UNC5C: variants seen among roughly 807,000 people sequenced by gnomAD.
UNC5C encodes netrin receptor UNC5C.
UNC5C carries 47 observed loss-of-function variants against 99.8 expected under a neutral mutation model. The ratio of observed to expected loss-of-function variants is 0.47; its 90% confidence interval spans 0.37 to 0.60. UNC5C has a LOEUF of 0.60. UNC5C is among the 20% of genes least tolerant of loss of function. The pLI, the probability that UNC5C is intolerant of heterozygous loss-of-function variation, is 0.00. For missense variants in UNC5C, 1,062 were observed against 1,165.9 expected (o/e 0.91, Z 1.30); for synonymous variants, 487 against 452.2 (o/e 1.08, Z -0.98).
intron 1 of UNC5C, among the ~76,000 whole-genome samples, chr4:95,363,972 T>C (rs748931571): frequency 3.9e-5 from 6 of 152,170 alleles, no homozygotes. Context: ...TTGGATAAAG[T>C]GTGGGGGTGA....
intron 1 of UNC5C, among the ~76,000 whole-genome samples, chr4:95,538,885 C>T (rs578197376): frequency 1.1e-4 from 16 of 152,182 alleles, no homozygotes; most frequent in Non-Finnish European, 1.5e-4. Flanking sequence ...TTTCCTTCCT[C>T]GCAATTGACT....
intron 1 of UNC5C, among the ~76,000 whole-genome samples, chr4:95,539,562 T>C (rs1350839641): frequency 6.6e-6 from 1 of 152,186 alleles, no homozygotes; most frequent in Admixed American, 6.5e-5. Context: ...TTTCCATTGG[T>C]TTGATAGACT....
intron 1 of UNC5C, among the ~76,000 whole-genome samples, chr4:95,527,779 T>C (rs981463891): frequency 6.6e-6 from 1 of 152,156 alleles, no homozygotes; most frequent in East Asian, 1.9e-4. Context: ...GAAGTTTCTT[T>C]ACTTTTTTAA....
chr4:95,540,764 G>T (rs978881526), intron 1 of UNC5C, among the ~76,000 whole-genome samples: 5 of 152,102 alleles, frequency 3.3e-5, no homozygotes, highest in Non-Finnish European at 7.4e-5. Context: ...TAGACATACA[G>T]TTCAAAGTGA....
At chr4:95,262,841 G>A (rs1202751737) in intron 4 of UNC5C, among the ~76,000 whole-genome samples, 6 of 151,318 alleles carry the variant, frequency 4.0e-5, no homozygotes, top group Non-Finnish European at 8.8e-5. Flanking sequence ...TTGAGATGGA[G>A]TTTCACTCTG....
At chr4:95,281,701 G>T (rs1191490937) in intron 3 of UNC5C, among the ~76,000 whole-genome samples, 1 of 152,306 alleles carries the variant, frequency 6.6e-6, no homozygotes, top group Non-Finnish European at 1.5e-5. Flanking sequence ...ACACTGAGTG[G>T]CATAGTATCA....
At chr4:95,536,341 G>A (rs1055456394) in intron 1 of UNC5C, among the ~76,000 whole-genome samples, 2 of 152,088 alleles carry the variant, frequency 1.3e-5, no homozygotes, top group African/African-American at 4.8e-5. Flanking sequence ...CTCCCAAAGT[G>A]CTAGGATTAC....
At chr4:95,382,178 T>G (rs1483484087) in intron 1 of UNC5C, among the ~76,000 whole-genome samples, 1 of 151,988 alleles carries the variant, frequency 6.6e-6, no homozygotes, top group Non-Finnish European at 1.5e-5. Context: ...GACTTGAAGC[T>G]TAAAAACTTT....
chr4:95,547,476 G>C (rs961781097), intron 1 of UNC5C, among the ~76,000 whole-genome samples: 40 of 152,128 alleles, frequency 2.6e-4, no homozygotes, highest in African/African-American at 8.0e-4. Flanking sequence ...TGGGGAGTTG[G>C]GGCTATCGTA....
At chr4:95,447,629 T>C (rs1313016680) in intron 1 of UNC5C, among the ~76,000 whole-genome samples, 1 of 152,132 alleles carries the variant, frequency 6.6e-6, no homozygotes, top group Admixed American at 6.6e-5. Context: ...GCCTCCCGAG[T>C]AGCTGGGATT....
chr4:95,503,485 T>A (rs1368678341), intron 1 of UNC5C, among the ~76,000 whole-genome samples: 2 of 152,280 alleles, frequency 1.3e-5, no homozygotes, highest in African/African-American at 4.8e-5. Context: ...AAGTTGGCTT[T>A]TATTTTGATT....
chr4:95,524,471 A>C (rs895299355), intron 1 of UNC5C, among the ~76,000 whole-genome samples: 2 of 152,208 alleles, frequency 1.3e-5, no homozygotes, highest in African/African-American at 4.8e-5. Context: ...ATCCACCTGC[A>C]TGCATGTTCT....
chr4:95,242,481 G>A lies in UNC5C; in HGVS notation c.1056C>T (p.Cys352=), dbSNP rs540870072. 283 of 1,613,848 alleles carry A rather than the reference G, an allele frequency of 1.8e-4. 1 individual carries two copies. The South Asian group carries it at 2.1e-3, about 12-fold the overall frequency. ...APAPKNGGKD[C]DGLVLQSKNC... is the part of the protein sequence containing the mutation. ...TCTTGGATTGCAAGACGAGGCCGTC[G>A]CAGTCCTTGCCTCCATTCTTGGGGG... is the stretch of plus-strand genomic sequence containing the variant. The change falls in exon 7 of 16, where the codon TGC becomes TGT. Residue 352 remains cysteine, a synonymous_variant. Transcript: ENST00000453304.
chr4:95,214,022 G>T (rs1028899324), intron 10 of UNC5C, among the ~76,000 whole-genome samples: 1 of 152,130 alleles, frequency 6.6e-6, no homozygotes, highest in East Asian at 1.9e-4. Context: ...ATTCCCCTGT[G>T]CCTCAGTTTC....
In UNC5C at chr4:95,223,859, T is replaced by G. The variant is rs527908246; in HGVS notation, c.1109-3683A>C. 7.9e-5 allele frequency among the ~76,000 whole-genome samples: 12 copies of G among 152,200 alleles called. No individual in the cohort carries two copies. The East Asian group carries it at 2.1e-3, about 27-fold the overall frequency. ...TAGAGGAGACCAGATCACAATGCCA[T>G]CTTCCTGGAAGTGATGATGTTAAGT... On this transcript the variant is annotated intron_variant, in intron 7 of 15. Coordinates refer to ENST00000453304, the MANE Select transcript of UNC5C (RefSeq NM_003728.4).
At chr4:95,472,548 G>C (rs1748003038) in intron 1 of UNC5C, among the ~76,000 whole-genome samples, 1 of 151,954 alleles carries the variant, frequency 6.6e-6, no homozygotes, top group African/African-American at 2.4e-5. Flanking sequence ...TGAAAACCGA[G>C]GTAAAAAATG....
At chr4:95,192,109 C>T (rs1167666645) in intron 12 of UNC5C, among the ~76,000 whole-genome samples, 3 of 130,882 alleles carry the variant, frequency 2.3e-5, no homozygotes, top group Admixed American at 1.5e-4. Context: ...TGCTCACTTC[C>T]TCCCCTCCTC....
intron 13 of UNC5C, 54 bp from the exon 14 acceptor site, chr4:95,183,115 T>C (rs1431859216): frequency 1.3e-6 from 2 of 1,534,098 alleles, no homozygotes; most frequent in Non-Finnish European, 1.8e-6. Context: ...CAAAAATAAC[T>C]CTCAGATGGT....
At chr4:95,297,118 G>T (rs569658940) in intron 3 of UNC5C, among the ~76,000 whole-genome samples, 38 of 152,272 alleles carry the variant, frequency 2.5e-4, no homozygotes, top group Admixed American at 3.9e-4. Context: ...CAGCCTCAGG[G>T]TGCTATAACT....
Sources: gnomAD v4.1 joint callset for allele counts (sites outside exome capture counted in the v4.1 genomes callset) on GRCh38, gnomAD v4.1.1 for gene constraint, MANE v1.5 for transcripts, NCBI Gene and HGNC (gene_info 2026-07-23, HGNC 2026-07-21) for gene names.